The following GLDC variants were observed in gnomAD, a reference collection of about 807,000 sequenced individuals.
The protein encoded by GLDC is glycine decarboxylase.
In GLDC, 104 loss-of-function variants were observed where a neutral mutation model predicts 121.3. The ratio of observed to expected loss-of-function variants is 0.86; its 90% CI spans 0.73 to 1.01. The LOEUF (loss-of-function observed/expected upper bound fraction) is 1.01, where lower values mean the gene tolerates loss of function less well. Among genes scored for constraint, GLDC ranks in the 50% least tolerant of loss-of-function variants. The pLI, the probability that GLDC is intolerant of heterozygous loss-of-function variation, is 0.00. For synonymous variants in GLDC, 546 were observed against 480.6 expected (o/e 1.14, Z -1.78); for missense variants, 1,429 against 1,306.6 (o/e 1.09, Z -1.44).
intron 15 of GLDC, among the ~76,000 whole-genome samples, chr9:6,579,371 A>C (rs1007974622): frequency 6.6e-6 from 1 of 152,078 alleles, no homozygotes; most frequent in Admixed American, 6.6e-5. Context: ...CAAATGCTGA[A>C]TCTTCTGAAT....
chr9:6,621,127 G>A (rs996598106), intron 2 of GLDC, among the ~76,000 whole-genome samples: 5 of 152,136 alleles, frequency 3.3e-5, no homozygotes, highest in African/African-American at 9.7e-5. Flanking sequence ...CTAAGATGGC[G>A]CCGCTGCACT....
intron 3 of GLDC, among the ~76,000 whole-genome samples, chr9:6,615,538 C>T (rs1001214405): frequency 6.6e-6 from 1 of 151,344 alleles, no homozygotes; most frequent in Non-Finnish European, 1.5e-5. Context: ...GCTATTAGAG[C>T]ACCACTGTAC....
chr9:6,613,786 ATTTT>A (rs573384990), intron 3 of GLDC, among the ~76,000 whole-genome samples: 10 of 151,106 alleles, frequency 6.6e-5, no homozygotes, highest in African/African-American at 2.4e-4. Flanking sequence ...TGGGGTTTTT[ATTTT>A]TTTTTAGATA....
intron 2 of GLDC, among the ~76,000 whole-genome samples, chr9:6,641,066 G>C (rs1409079284): frequency 6.6e-6 from 1 of 152,162 alleles, no homozygotes; most frequent in African/African-American, 2.4e-5. Flanking sequence ...GACTTACTTA[G>C]CAGCCAGTTC....
chr9:6,577,933 T>G (rs574488849), intron 15 of GLDC, among the ~76,000 whole-genome samples: 1 of 151,888 alleles, frequency 6.6e-6, no homozygotes, highest in South Asian at 2.1e-4. Flanking sequence ...TTTCTTCTTT[T>G]TTCTTTTTTA....
Position 6,534,619 on chromosome 9 carries a change from T to C in GLDC, c.2919+89A>G, listed in dbSNP as rs1333431456. 13 of 744,040 alleles carry C rather than the reference T, an allele frequency of 1.7e-5. No homozygotes were observed. The Middle Eastern group carries it at 1.1e-3, about 65-fold the overall frequency. 46.1% of individuals were successfully genotyped at this position (744,040 alleles called of 1,614,324 possible). On this transcript the variant is annotated intron_variant, in intron 24 of 24. Transcript: ENST00000321612. The stretch of plus-strand genomic sequence containing the variant: ...CACAAGGTGCCCCACATATGGTTTC[T>C]GTAATCATGAGGCTAAGAGCGTACA...
Position 6,534,750 on chromosome 9 carries a change from G to T in GLDC, c.2877C>A (p.His959Gln). ...PHSLTCVTSS[H>Q]WDRPYSREVA... Reference sequence around the variant, plus strand: ...CCTCTCTGGAATAAGGCCGGTCCCAGTGGGAAGATGTAACGCAGGTCAGGG... The same window carrying T: ...CCTCTCTGGAATAAGGCCGGTCCCATTGGGAAGATGTAACGCAGGTCAGGG... Residue 959 changes from histidine to glutamine, a missense_variant, in exon 24 of 25, where the codon CAC becomes CAA. Coordinates refer to ENST00000321612, the MANE Select transcript of GLDC (RefSeq NM_000170.3). 6.2e-7 allele frequency: 1 copy of T among 1,607,798 alleles called. No homozygotes were observed. Among genetic ancestry groups the T allele is most frequent in the Admixed American group, 1.7e-5 (1 of 60,002 alleles).
Position 6,554,661 on chromosome 9 carries a change from G to C in GLDC, c.2315+8C>G. 1 of 1,590,076 alleles carries C rather than the reference G, an allele frequency of 6.3e-7. No individual in the cohort carries two copies. Among genetic ancestry groups the C allele is most frequent in the Non-Finnish European group, 8.6e-7 (1 of 1,160,592 alleles). ...AAGCCATCCTGAAACCAGCAGCCCA[G>C]AACTTACACTCCGATGGGCCCCATG... is the stretch of plus-strand genomic sequence containing the variant. On this transcript the variant is annotated splice_region_variant and intron_variant, in intron 19 of 24. Coordinates refer to ENST00000321612, the MANE Select transcript of GLDC (RefSeq NM_000170.3).
At chr9:6,595,367 T>C (rs1563852648) in intron 8 of GLDC, among the ~76,000 whole-genome samples, 1 of 152,202 alleles carries the variant, frequency 6.6e-6, no homozygotes, top group Non-Finnish European at 1.5e-5. Flanking sequence ...GAAGGGCTTC[T>C]TCCATGCAAC....
At chr9:6,533,310 T>A in intron 24 of GLDC, 150 bp from the exon 25 acceptor site, 1 of 774,562 alleles carries the variant, frequency 1.3e-6, no homozygotes, top group East Asian at 2.5e-5. Flanking sequence ...CATTACCATT[T>A]AAAAAAAAGA....
At chr9:6,622,569 A>G (rs1819128974) in intron 2 of GLDC, among the ~76,000 whole-genome samples, 1 of 152,236 alleles carries the variant, frequency 6.6e-6, no homozygotes, top group Non-Finnish European at 1.5e-5. Context: ...GCTGGAGTGC[A>G]GTGGCGTGAT....
chr9:6,537,903 C>T (rs533019691), intron 22 of GLDC, among the ~76,000 whole-genome samples: 5 of 152,290 alleles, frequency 3.3e-5, no homozygotes, highest in Admixed American at 1.3e-4. Flanking sequence ...TCCAGCCATC[C>T]GTCTTACTTT....
chr9:6,582,744 G>C (rs1361518781), intron 15 of GLDC, among the ~76,000 whole-genome samples: 1 of 151,232 alleles, frequency 6.6e-6, no homozygotes, highest in Admixed American at 6.6e-5. Context: ...CAGGAGAATG[G>C]CGTGAACCCG....
At position 6,620,311 on chromosome 9, in the gene GLDC, C is replaced by G; in HGVS notation, c.343G>C (p.Glu115Gln). ...ATGGCATGCAGAGTTGCAAGGATTT[C>G]ATTTTCACCTAATTGTGGGAAAAAG... is the stretch of plus-strand genomic sequence containing the variant. The part of the protein sequence containing the change: ...LKMEDPVCEN[E>Q]ILATLHAISS... The change falls in exon 3 of 25, where the codon GAA (glutamate) becomes CAA (glutamine). Residue 115 changes from glutamate to glutamine, a missense_variant. Transcript: ENST00000321612. 1 of 1,613,534 alleles carries G rather than the reference C, an allele frequency of 6.2e-7. No individual in the cohort carries two copies. The highest frequency in any genetic ancestry group is 8.5e-7 in the Non-Finnish European group (1 of 1,179,440).
chr9:6,628,899 T>A (rs1241409425), intron 2 of GLDC, among the ~76,000 whole-genome samples: 4 of 152,156 alleles, frequency 2.6e-5, no homozygotes, highest in Non-Finnish European at 5.9e-5. Context: ...TCTTGCAGAA[T>A]AAATGCCTGC....
chr9:6,558,289 T>C (rs1016830311), intron 17 of GLDC: 3 of 599,490 alleles, frequency 5.0e-6, no homozygotes, highest in African/African-American at 3.7e-5. Context: ...AGAGGGAAGA[T>C]TGGGCAGAAA....
chr9:6,592,355 C>T, intron 10 of GLDC, 132 bp from the exon 11 acceptor site: 1 of 714,408 alleles, frequency 1.4e-6, no homozygotes, highest in Non-Finnish European at 2.5e-6. Flanking sequence ...GTACAATTAT[C>T]TCCACGCTAA....
chr9:6,604,221 G>A (rs958162901), intron 7 of GLDC, among the ~76,000 whole-genome samples: 4 of 152,160 alleles, frequency 2.6e-5, no homozygotes, highest in Non-Finnish European at 5.9e-5. Flanking sequence ...GTACTTTGCA[G>A]TCTCAGTGCA....
intron 15 of GLDC, among the ~76,000 whole-genome samples, chr9:6,585,987 G>A (rs536257835): frequency 6.6e-6 from 1 of 152,068 alleles, no homozygotes; most frequent in South Asian, 2.1e-4. Context: ...AGAATCACTT[G>A]GTCTTGTCTT....
Sources: allele counts gnomAD v4.1 joint callset (sites outside exome capture counted in the v4.1 genomes callset), GRCh38; gene constraint gnomAD v4.1.1; transcripts MANE v1.5; gene names NCBI Gene and HGNC (gene_info 2026-07-23, HGNC 2026-07-21).